Variants in PTPN4 observed in about 807,000 individuals in gnomAD.
PTPN4 encodes tyrosine-protein phosphatase non-receptor type 4.
In PTPN4, 49 loss-of-function variants were observed where a neutral mutation model predicts 135.5. The observed-to-expected ratio is 0.36, with a 90% CI of 0.29 to 0.46. The LOEUF is 0.46. Among genes scored for constraint, PTPN4 ranks in the 20% least tolerant of loss-of-function variants. PTPN4 has a pLI of 1.00. For missense variants in PTPN4, 860 were observed against 1,101.0 expected, an observed-to-expected ratio of 0.78 and a Z score of 3.10; for synonymous variants, 333 against 369.9, an observed-to-expected ratio of 0.90 and a Z score of 1.14.
chr2:119,792,946 A>G (rs1200985230), intron 1 of PTPN4, among the ~76,000 whole-genome samples: 1 of 152,210 alleles, frequency 6.6e-6, no homozygotes, highest in Non-Finnish European at 1.5e-5. Flanking sequence ...AAGTATCACG[A>G]GGCAAATGGG....
Position 119,885,863 on chromosome 2 carries a change from T to A in PTPN4, c.656T>A (p.Val219Asp). Residue 219 changes from valine to aspartate, a missense_variant, in exon 9 of 27, where the codon GTT becomes GAT. Coordinates refer to ENST00000263708, the MANE Select transcript of PTPN4 (RefSeq NM_002830.4). ...NTARTLELYG[V>D]EFHYARDQSN... ...GCACGTACCTTAGAACTCTATGGAG[T>A]TGAATTCCACTATGCAAGGGTAAGT... 1.3e-6 allele frequency: 2 copies of A among 1,599,824 alleles called. No individual in the cohort carries two copies. Among genetic ancestry groups the A allele is most frequent in the Non-Finnish European group, 1.7e-6 (2 of 1,174,600 alleles).
At chr2:119,961,330 C>A (rs1679363001) in intron 23 of PTPN4, among the ~76,000 whole-genome samples, 1 of 152,118 alleles carries the variant, frequency 6.6e-6, no homozygotes, top group South Asian at 2.1e-4. Context: ...AAAAGGTGCT[C>A]AACATCATTA....
At chr2:119,869,764 AC>A (rs1558749990) in intron 3 of PTPN4, among the ~76,000 whole-genome samples, 2 of 152,222 alleles carry the variant, frequency 1.3e-5, no homozygotes, top group African/African-American at 4.8e-5. Flanking sequence ...GTCAAATAGT[AC>A]ACTCATGAAC....
intron 1 of PTPN4, among the ~76,000 whole-genome samples, chr2:119,800,714 G>A (rs1691346112): frequency 6.6e-6 from 1 of 152,138 alleles, no homozygotes; most frequent in South Asian, 2.1e-4. Flanking sequence ...ATTTAAATCT[G>A]AGTCAGTGAG....
chr2:119,825,243 G>A (rs1677129944), intron 2 of PTPN4, among the ~76,000 whole-genome samples: 2 of 151,988 alleles, frequency 1.3e-5, no homozygotes, highest in South Asian at 4.1e-4. Flanking sequence ...TATATATCCA[G>A]ATTAATATTA....
At chr2:119,964,251 A>C (rs753148848) in intron 24 of PTPN4, among the ~76,000 whole-genome samples, 18 of 152,320 alleles carry the variant, frequency 1.2e-4, no homozygotes, top group African/African-American at 4.1e-4. Context: ...CTGATCCTTT[A>C]AAGTATAGAT....
chr2:119,946,590 G>T lies in PTPN4; in HGVS notation c.1656+16G>T, dbSNP rs2289580. On this transcript the variant is annotated intron_variant, in intron 18 of 26. Coordinates refer to ENST00000263708, the MANE Select transcript of PTPN4 (RefSeq NM_002830.4). Reference sequence around the variant, plus strand: ...AGGAACACCTGTGAGTTATCTAAATGTTTCAAATAAATCCTGTTTTCAAGA... The same window carrying T: ...AGGAACACCTGTGAGTTATCTAAATTTTTCAAATAAATCCTGTTTTCAAGA... 0.68 allele frequency: 1,055,266 copies of T among 1,558,108 alleles called. 362,390 individuals carry two copies. The highest frequency in any genetic ancestry group is 0.83 in the East Asian group (36,669 of 44,172).
intron 2 of PTPN4, among the ~76,000 whole-genome samples, chr2:119,829,383 G>A (rs1677188723): frequency 1.3e-5 from 2 of 152,114 alleles, no homozygotes; most frequent in South Asian, 4.1e-4. Flanking sequence ...CAATTCAGTG[G>A]TATCAATTAA....
intron 1 of PTPN4, among the ~76,000 whole-genome samples, chr2:119,765,929 T>TGTGTGC (rs1690607000): frequency 1.4e-5 from 2 of 142,888 alleles, no homozygotes; most frequent in South Asian, 4.8e-4. Flanking sequence ...TGTGTGTGTG[T>TGTGTGC]GTGTGCGCGC....
At chr2:119,788,834 GGTTT>G (rs1207498476) in intron 1 of PTPN4, among the ~76,000 whole-genome samples, 1 of 152,108 alleles carries the variant, frequency 6.6e-6, no homozygotes, top group African/African-American at 2.4e-5. Context: ...ATGGACACTT[GGTTT>G]GTTTTCATCT....
At chr2:119,926,053 A>G (rs778510314) in intron 12 of PTPN4, among the ~76,000 whole-genome samples, 2 of 152,182 alleles carry the variant, frequency 1.3e-5, no homozygotes, top group African/African-American at 2.4e-5. Context: ...TTGCTTAACT[A>G]TGGAAACTGG....
intron 1 of PTPN4, among the ~76,000 whole-genome samples, chr2:119,782,682 C>T (rs988202876): frequency 2.0e-5 from 3 of 150,592 alleles, no homozygotes; most frequent in African/African-American, 7.3e-5. Flanking sequence ...AAGAAAGACC[C>T]CTGTGTTAGG....
At chr2:119,839,048 T>G (rs1677340762) in intron 2 of PTPN4, among the ~76,000 whole-genome samples, 1 of 152,242 alleles carries the variant, frequency 6.6e-6, no homozygotes, top group Non-Finnish European at 1.5e-5. Context: ...CTTTTATTCA[T>G]CCTTCAATTG....
At chr2:119,952,166 A>G in intron 19 of PTPN4, 37 bp downstream of exon 19, 1 of 1,565,262 alleles carries the variant, frequency 6.4e-7, no homozygotes, top group Non-Finnish European at 8.7e-7. Flanking sequence ...ATTTATAGTA[A>G]TTTATTACTG....
intron 8 of PTPN4, among the ~76,000 whole-genome samples, chr2:119,883,575 A>G (rs983273067): frequency 6.6e-6 from 1 of 152,208 alleles, no homozygotes; most frequent in Non-Finnish European, 1.5e-5. Flanking sequence ...CAGAATACTC[A>G]GGGAAAAACT....
intron 2 of PTPN4, among the ~76,000 whole-genome samples, chr2:119,843,429 T>G (rs992848433): frequency 7.2e-6 from 1 of 139,780 alleles, no homozygotes; most frequent in African/African-American, 2.7e-5. Flanking sequence ...TTCTCAATCT[T>G]TTCCCCACCT....
intron 3 of PTPN4, among the ~76,000 whole-genome samples, chr2:119,867,523 T>G (rs984253059): frequency 1.3e-5 from 2 of 152,202 alleles, no homozygotes; most frequent in African/African-American, 4.8e-5. Context: ...TTGTTGGTTT[T>G]CTTTTTTCAT....
chr2:119,819,247 C>G (rs1677032550), intron 2 of PTPN4, among the ~76,000 whole-genome samples: 1 of 152,174 alleles, frequency 6.6e-6, no homozygotes. Flanking sequence ...TCCCAAAGAT[C>G]ATAGCCCTGT....
chr2:119,917,578 C>CA (rs1172685995), intron 11 of PTPN4, among the ~76,000 whole-genome samples: 1 of 151,826 alleles, frequency 6.6e-6, no homozygotes, highest in Non-Finnish European at 1.5e-5. Context: ...TACTAAAATA[C>CA]AAAAAAATGG....
Sources: allele counts gnomAD v4.1 joint callset (sites outside exome capture counted in the v4.1 genomes callset), GRCh38; gene constraint gnomAD v4.1.1; transcripts MANE v1.5; gene names NCBI Gene and HGNC (gene_info 2026-07-23, HGNC 2026-07-21).